The following PRKG1 variants were observed in gnomAD, a reference collection of about 807,000 sequenced individuals.
The protein encoded by PRKG1 is protein kinase cGMP-dependent 1.
A neutral mutation model predicts 88.1 loss-of-function variants in PRKG1; 35 were observed. The observed-to-expected ratio is 0.40, with a 90% CI of 0.30 to 0.53. The LOEUF is 0.53. PRKG1 is among the 20% of genes least tolerant of loss of function. PRKG1 has a pLI of 0.59. For synonymous variants in PRKG1, 303 were observed against 292.5 expected, an observed-to-expected ratio of 1.04 and a Z score of -0.37; for missense variants, 540 against 839.8, an observed-to-expected ratio of 0.64 and a Z score of 4.41.
At chr10:51,157,853 A>G (rs1159728926) in intron 2 of PRKG1, among the ~76,000 whole-genome samples, 1 of 150,940 alleles carries the variant, frequency 6.6e-6, no homozygotes, top group Non-Finnish European at 1.5e-5. Flanking sequence ...AATTTTATTT[A>G]ATTTAAATTA....
At chr10:51,990,047 A>G (rs577263393) in intron 5 of PRKG1, among the ~76,000 whole-genome samples, 1 of 151,972 alleles carries the variant, frequency 6.6e-6, no homozygotes, top group African/African-American at 2.4e-5. Flanking sequence ...TTGCATGTGG[A>G]TATCCAGTTA....
chr10:51,455,113 C>T (rs1416951595), intron 2 of PRKG1, among the ~76,000 whole-genome samples: 1 of 152,240 alleles, frequency 6.6e-6, no homozygotes, highest in African/African-American at 2.4e-5. Context: ...ACAGACTCAA[C>T]ACCACATGGA....
chr10:52,097,436 A>G (rs1489305957), intron 7 of PRKG1, among the ~76,000 whole-genome samples: 1 of 152,150 alleles, frequency 6.6e-6, no homozygotes, highest in Non-Finnish European at 1.5e-5. Context: ...GATTTATTAA[A>G]TGAAATTACT....
At chr10:52,227,401 T>A (rs1329159564) in intron 9 of PRKG1, among the ~76,000 whole-genome samples, 1 of 152,192 alleles carries the variant, frequency 6.6e-6, no homozygotes, top group African/African-American at 2.4e-5. Flanking sequence ...GCATTTGTGC[T>A]GAACATGTAC....
At chr10:51,587,341 A>G (rs1838198784) in intron 3 of PRKG1, among the ~76,000 whole-genome samples, 1 of 152,202 alleles carries the variant, frequency 6.6e-6, no homozygotes, top group African/African-American at 2.4e-5. Context: ...TTCTTCCTTA[A>G]GGTGTATTTG....
chr10:51,691,987 T>C (rs929299132), intron 3 of PRKG1, among the ~76,000 whole-genome samples: 9 of 152,310 alleles, frequency 5.9e-5, no homozygotes, highest in African/African-American at 2.2e-4. Flanking sequence ...GATCTTTTCC[T>C]CTGATGATTG....
chr10:51,629,532 T>A (rs551575003), intron 3 of PRKG1, among the ~76,000 whole-genome samples: 3 of 152,004 alleles, frequency 2.0e-5, no homozygotes. Flanking sequence ...TTTTGATTGC[T>A]GTCGCTGCAG....
chr10:51,262,987 T>C (rs1021559100), intron 2 of PRKG1, among the ~76,000 whole-genome samples: 1 of 152,214 alleles, frequency 6.6e-6, no homozygotes, highest in African/African-American at 2.4e-5. Context: ...ATCTTATTAT[T>C]AATCTAGTGC....
chr10:51,076,760 G>C (rs1002800274), intron 1 of PRKG1, among the ~76,000 whole-genome samples: 6 of 152,172 alleles, frequency 3.9e-5, no homozygotes, highest in African/African-American at 1.4e-4. Context: ...AAAAGGTCCA[G>C]AGTGGAAAAT....
chr10:52,228,799 A>T (rs961773363), intron 9 of PRKG1, among the ~76,000 whole-genome samples: 2 of 152,246 alleles, frequency 1.3e-5, no homozygotes, highest in African/African-American at 4.8e-5. Context: ...TGTGCAAAAC[A>T]GACCAGGATC....
At chr10:51,485,758 C>T (rs1840515395) in intron 3 of PRKG1, among the ~76,000 whole-genome samples, 1 of 152,166 alleles carries the variant, frequency 6.6e-6, no homozygotes, top group Non-Finnish European at 1.5e-5. Context: ...GGGCAAGACA[C>T]TTTCTTGTCT....
chr10:51,309,488 A>G (rs948001962), intron 2 of PRKG1, among the ~76,000 whole-genome samples: 4 of 152,194 alleles, frequency 2.6e-5, no homozygotes, highest in Admixed American at 1.3e-4. Flanking sequence ...CAAGCATATG[A>G]AAAATGCTTA....
intron 10 of PRKG1, chr10:52,252,163 G>A (rs892717133): frequency 6.5e-6 from 1 of 153,408 alleles, no homozygotes; most frequent in African/African-American, 2.4e-5. Flanking sequence ...AGTCCTAACA[G>A]TTTGAATATT....
intron 3 of PRKG1, among the ~76,000 whole-genome samples, chr10:51,626,907 T>C (rs1295232478): frequency 2.0e-5 from 3 of 152,202 alleles, no homozygotes; most frequent in African/African-American, 7.2e-5. Flanking sequence ...GCTCTTTTTT[T>C]GTTCATTATT....
At chr10:52,224,105 A>G (rs1230306310) in intron 9 of PRKG1, among the ~76,000 whole-genome samples, 2 of 152,094 alleles carry the variant, frequency 1.3e-5, no homozygotes, top group African/African-American at 4.8e-5. Context: ...TCAGAATAAA[A>G]GGCAAATCTT....
At chr10:51,712,650 C>T (rs887168661) in intron 3 of PRKG1, among the ~76,000 whole-genome samples, 2 of 129,124 alleles carry the variant, frequency 1.5e-5, no homozygotes, top group African/African-American at 6.0e-5. Flanking sequence ...AGTGCAGTGG[C>T]GCAGTCTCGG....
intron 7 of PRKG1, among the ~76,000 whole-genome samples, chr10:52,104,050 T>A (rs7906593): frequency 1 from 148,022 of 148,064 alleles, 73,990 homozygotes; most frequent in Non-Finnish European, 1. Flanking sequence ...TATCTCATAG[T>A]TTATTTTAGC....
chr10:52,116,682 T>A (rs1481127723), intron 7 of PRKG1, among the ~76,000 whole-genome samples: 2 of 152,142 alleles, frequency 1.3e-5, no homozygotes, highest in African/African-American at 4.8e-5. Context: ...AAGAATCTAT[T>A]GGGATTAGAC....
chr10:51,488,531 G>A (rs1177093851), intron 3 of PRKG1, among the ~76,000 whole-genome samples: 3 of 152,068 alleles, frequency 2.0e-5, no homozygotes, highest in Non-Finnish European at 2.9e-5. Context: ...AACCAGCTCC[G>A]TAGTAGACTT....
Sources: allele counts gnomAD v4.1 joint callset (sites outside exome capture counted in the v4.1 genomes callset), GRCh38; gene constraint gnomAD v4.1.1; transcripts MANE v1.5; gene names NCBI Gene and HGNC (gene_info 2026-07-23, HGNC 2026-07-21).